The following HTT variants were observed in gnomAD, a reference collection of about 807,000 sequenced individuals.
The protein encoded by HTT is huntingtin, also known as huntington disease protein.
HTT carries 104 observed loss-of-function variants against 362.3 expected under a neutral mutation model. The ratio of observed to expected loss-of-function variants is 0.29; its 90% CI spans 0.24 to 0.34. The LOEUF is 0.34. Ranked by LOEUF, HTT falls within the 10% of genes least tolerant of loss-of-function variation. The pLI, the probability that HTT is intolerant of heterozygous loss-of-function variation, is 1.00. For missense variants in HTT, 3,301 were observed against 3,928.6 expected (o/e 0.84, Z 4.27); for synonymous variants, 1,577 against 1,548.7 (o/e 1.02, Z -0.43).
In HTT at chr4:3,220,224, G is replaced by A. The variant is rs756992290; in HGVS notation, c.7285G>A (p.Gly2429Ser). ...GTCACCCAAACCGGGAGGGGATTTT[G>A]GCACAGCATTCCCTGAGATCCCCGT... ...GWSPKPGGDF[G>S]TAFPEIPVEF... Residue 2429 changes from glycine (G) to serine (S), a missense_variant, in exon 53 of 67, where the codon GGC becomes AGC. Coordinates refer to ENST00000355072, the MANE Select transcript of HTT (RefSeq NM_001388492.1). 1.9e-6 allele frequency: 3 copies of A among 1,613,950 alleles called. No individual in the cohort carries two copies. The highest frequency in any genetic ancestry group is 4.5e-5 in the East Asian group (2 of 44,890).
At chr4:3,149,550 T>C (rs1333391154) in intron 26 of HTT, among the ~76,000 whole-genome samples, 1 of 151,858 alleles carries the variant, frequency 6.6e-6, no homozygotes, top group Non-Finnish European at 1.5e-5. Flanking sequence ...TGAAGTGATC[T>C]ATCCGCTTCG....
In HTT at chr4:3,217,801, C is replaced by A. The variant is rs746847868; in HGVS notation, c.7091C>A (p.Ala2364Glu). The A allele has an allele frequency of 1.2e-6, 2 of 1,614,014 alleles. No homozygotes were observed. Among genetic ancestry groups the A allele is most frequent in the South Asian group, 2.2e-5 (2 of 91,028 alleles). The change falls in exon 52 of 67, where the codon GCA becomes GAA. Residue 2364 changes from alanine (A) to glutamate (E), a missense_variant. Around this residue, in one of 4 missense-constraint regions of HTT, gnomAD observed 220 missense variants for 218.5 expected, o/e 1.01. Transcript: ENST00000355072. ...KYITAACEMV[A>E]EMVESLQSVL... ...ATCACTGCAGCCTGTGAGATGGTGG[C>A]AGAAATGGTGGAGTCTCTGCAGTCG...
rs1180957296 is a variant in HTT, at chr4:3,212,120, G to C, written c.6606G>C (p.Trp2202Cys). 1.2e-6 allele frequency: 2 copies of C among 1,613,224 alleles called. No homozygotes were observed. The highest frequency in any genetic ancestry group is 1.7e-6 in the Non-Finnish European group (2 of 1,179,292). Residue 2202 changes from tryptophan to cysteine, a missense_variant, in exon 48 of 67, where the codon TGG becomes TGC. Around this residue, in one of 4 missense-constraint regions of HTT, gnomAD observed 220 missense variants for 218.5 expected, o/e 1.01. Transcript: ENST00000355072. ...TGCCTGCAGAGCCGGCGGCCTACTG[G>C]AGCAAGTTGAATGATCTGTTTGGTA... is the stretch of plus-strand genomic sequence containing the variant. ...PELPAEPAAY[W>C]SKLNDLFGDA... is the part of the protein sequence containing the mutation.
intron 29 of HTT, among the ~76,000 whole-genome samples, chr4:3,168,048 G>T (rs981880552): frequency 6.6e-5 from 10 of 152,338 alleles, no homozygotes; most frequent in Admixed American, 5.2e-4. Context: ...AGGGGGATAT[G>T]TAGGGTAGAA....
chr4:3,093,928 T>TTTTTTTTTTTTTTTG, intron 2 of HTT, among the ~76,000 whole-genome samples: 1 of 144,356 alleles, frequency 6.9e-6, no homozygotes, highest in Non-Finnish European at 1.5e-5. Flanking sequence ...TTTTTTTTTT[T>TTTTTTTTTTTTTTTG]TAGTATTTAT....
chr4:3,104,889 G>A (rs955865533), intron 4 of HTT, among the ~76,000 whole-genome samples: 9 of 152,122 alleles, frequency 5.9e-5, no homozygotes, highest in African/African-American at 1.9e-4. Context: ...GGGCGACCAA[G>A]TGAGACCCTG....
At chr4:3,143,703 A>G (rs1170844305) in intron 23 of HTT, among the ~76,000 whole-genome samples, 1 of 151,478 alleles carries the variant, frequency 6.6e-6, no homozygotes, top group Non-Finnish European at 1.5e-5. Context: ...TCCCGGGTTC[A>G]AGCAATTCTC....
At chr4:3,189,186 A>T in intron 40 of HTT, 93 bp downstream of exon 40, 1 of 1,288,208 alleles carries the variant, frequency 7.8e-7, no homozygotes, top group Non-Finnish European at 1.1e-6. Flanking sequence ...CCCGGTAGAA[A>T]CTCTGCCTTG....
rs1721030873 is a variant in HTT at position 3,228,502 on chromosome 4, A to G, written c.7849-113A>G. The G allele has an allele frequency of 1.6e-6, 2 of 1,253,798 alleles. No individual in the cohort carries two copies. Among genetic ancestry groups the G allele is most frequent in the Non-Finnish European group, 1.1e-6 (1 of 925,778 alleles). 77.7% of individuals were successfully genotyped at this position (1,253,798 alleles called of 1,614,324 possible). ...CTGGGGTGTCTGAACGACCCTTGCT[A>G]AGGGGCAGACTGTTAGACGGTAGGC... On this transcript the variant is annotated intron_variant, in intron 57 of 66. Transcript: ENST00000355072. The surrounding 1 kb of genome is among the most constrained non-coding windows in gnomAD (Gnocchi z 4.3).
At chr4:3,195,922 G>A (rs1253303799) in intron 40 of HTT, among the ~76,000 whole-genome samples, 7 of 152,126 alleles carry the variant, frequency 4.6e-5, no homozygotes, top group East Asian at 1.9e-4. Flanking sequence ...GTGTTCTCTC[G>A]TGGTGACAGG....
chr4:3,124,141 T>C (rs529073729), intron 10 of HTT, among the ~76,000 whole-genome samples: 41 of 152,236 alleles, frequency 2.7e-4, no homozygotes, highest in Non-Finnish European at 4.4e-4. Flanking sequence ...TAGTGAAACA[T>C]TGTTTAGAAG....
chr4:3,152,345 G>A lies in HTT; in HGVS notation c.3499-1948G>A, dbSNP rs527405776. Among the ~76,000 whole-genome samples, 5 of 152,240 alleles carry A rather than the reference G, an allele frequency of 3.3e-5. No individual in the cohort carries two copies. In the South Asian group the frequency reaches 6.2e-4, roughly 19 times the overall value. ...GAACTTGTGACCTCGTGATTAGCCC[G>A]CCTCGGCCTCCCAAAGTGCTGGGAT... On this transcript the variant is annotated intron_variant, in intron 26 of 66. Coordinates refer to ENST00000355072, the MANE Select transcript of HTT (RefSeq NM_001388492.1).
intron 11 of HTT, 100 bp downstream of exon 11, chr4:3,125,729 T>G (rs1560558398): frequency 2.2e-5 from 19 of 847,578 alleles, no homozygotes. Flanking sequence ...ACAGCACGAC[T>G]GGGGGCAGCA....
intron 31 of HTT, among the ~76,000 whole-genome samples, chr4:3,173,917 C>T (rs571512813): frequency 2.6e-5 from 4 of 152,148 alleles, no homozygotes; most frequent in African/African-American, 9.6e-5. Flanking sequence ...GTGATCTGCC[C>T]GTCCCGGCCT....
intron 10 of HTT, among the ~76,000 whole-genome samples, chr4:3,124,417 A>G (rs544347392): frequency 8.1e-4 from 124 of 152,278 alleles, no homozygotes; most frequent in Admixed American, 3.1e-3. Context: ...ATAGCTGGAA[A>G]ATCCTTTTTA....
chr4:3,231,380 C>T (rs998366684), intron 60 of HTT, among the ~76,000 whole-genome samples: 5 of 152,056 alleles, frequency 3.3e-5, no homozygotes, highest in African/African-American at 1.2e-4. Flanking sequence ...ATTTGCGGAG[C>T]TCTTCCTCCC....
rs767765978 is a variant in HTT at position 3,199,786 on chromosome 4, G to A, written c.5423G>A (p.Cys1808Tyr). The change falls in exon 41 of 67, where the codon TGT (cysteine) becomes TAT (tyrosine). Residue 1808 changes from cysteine to tyrosine, a missense_variant. Physicochemically the swap from Cys to Tyr is radical, Grantham distance 194. This residue lies in a region of HTT where 2,316 missense variants were observed against 2,658.5 expected (regional missense o/e 0.87). Coordinates refer to ENST00000355072, the MANE Select transcript of HTT (RefSeq NM_001388492.1). ...AATRLFRSDG[C>Y]GGSFYTLDSL... ...ACTAGGCTGTTCCGCAGTGATGGCT[G>A]TGGCGGCAGTTTCTACACCCTGGAC... 5.0e-6 allele frequency: 8 copies of A among 1,614,204 alleles called. No homozygotes were observed. Among genetic ancestry groups the A allele is most frequent in the Non-Finnish European group, 6.8e-6 (8 of 1,180,040 alleles).
intron 24 of HTT, 123 bp downstream of exon 24, chr4:3,145,351 T>C (rs886152791): frequency 1.5e-5 from 11 of 712,510 alleles, no homozygotes; most frequent in Non-Finnish European, 2.8e-5. Flanking sequence ...TGGAAAAATA[T>C]CTGATGGAAT....
chr4:3,088,799 C>G (rs1218093552), intron 2 of HTT, among the ~76,000 whole-genome samples: 3 of 151,408 alleles, frequency 2.0e-5, no homozygotes, highest in African/African-American at 7.3e-5. Context: ...TATATACTTT[C>G]AAAGTGATTT....
Sources: allele counts gnomAD v4.1 joint callset (sites outside exome capture counted in the v4.1 genomes callset), GRCh38; gene constraint gnomAD v4.1.1; regional missense constraint gnomAD v4.1.1; non-coding constraint Gnocchi (gnomAD v3.1); transcripts MANE v1.5; gene names NCBI Gene and HGNC (gene_info 2026-07-23, HGNC 2026-07-21).